The following EPHA5 variants were observed in gnomAD, a reference collection of about 807,000 sequenced individuals.
EPHA5 encodes ephrin type-A receptor 5.
EPHA5 carries 60 observed loss-of-function variants against 105.0 expected under a neutral mutation model. The observed-to-expected ratio is 0.57, with a 90% CI of 0.46 to 0.71. EPHA5 has a LOEUF of 0.71. Among genes scored for constraint, EPHA5 ranks in the 30% least tolerant of loss-of-function variants. The pLI, the probability that EPHA5 is intolerant of heterozygous loss-of-function variation, is 0.00. For missense variants in EPHA5, 1,218 were observed against 1,274.7 expected (o/e 0.96, Z 0.68); for synonymous variants, 513 against 449.1 (o/e 1.14, Z -1.80).
chr4:65,388,905 A>G (rs1056787697), intron 8 of EPHA5, among the ~76,000 whole-genome samples: 1 of 151,910 alleles, frequency 6.6e-6, no homozygotes. Context: ...TATGTCCTGA[A>G]TGGTAATGCC....
chr4:65,572,937 A>T (rs1740355580), intron 3 of EPHA5, among the ~76,000 whole-genome samples: 1 of 152,068 alleles, frequency 6.6e-6, no homozygotes, highest in African/African-American at 2.4e-5. Flanking sequence ...AGACTTAGGC[A>T]AGAGAATCAC....
chr4:65,598,807 A>G (rs1205467204), intron 3 of EPHA5, among the ~76,000 whole-genome samples: 1 of 152,102 alleles, frequency 6.6e-6, no homozygotes, highest in Non-Finnish European at 1.5e-5. Context: ...GCAAATTGAG[A>G]AACTGAAAAA....
intron 8 of EPHA5, among the ~76,000 whole-genome samples, chr4:65,386,596 A>G (rs1275387121): frequency 2.0e-5 from 3 of 152,018 alleles, no homozygotes; most frequent in South Asian, 2.1e-4. Flanking sequence ...ACACAGAGAG[A>G]GCAAAACATT....
At chr4:65,398,255 C>A in intron 8 of EPHA5, among the ~76,000 whole-genome samples, 1 of 152,160 alleles carries the variant, frequency 6.6e-6, no homozygotes, top group Non-Finnish European at 1.5e-5. Context: ...GCTGTTGTGA[C>A]CCAGGCAGAT....
At chr4:65,525,700 T>TC (rs1372749937) in intron 3 of EPHA5, among the ~76,000 whole-genome samples, 12 of 151,928 alleles carry the variant, frequency 7.9e-5, no homozygotes, top group Admixed American at 4.6e-4. Context: ...CAAAGACTCA[T>TC]CATTTTCTCA....
intron 8 of EPHA5, among the ~76,000 whole-genome samples, chr4:65,402,603 A>T (rs948082098): frequency 5.3e-5 from 8 of 151,952 alleles, no homozygotes; most frequent in African/African-American, 1.9e-4. Context: ...ATTTTTATTC[A>T]TTTCTCCTAA....
chr4:65,468,963 G>T (rs757120506), intron 5 of EPHA5, among the ~76,000 whole-genome samples: 5 of 151,942 alleles, frequency 3.3e-5, no homozygotes, highest in Non-Finnish European at 7.4e-5. Flanking sequence ...AAGTCTGTGG[G>T]GAAGGAGCCA....
At position 65,427,052 on chromosome 4, in the gene EPHA5, A is replaced by C. The variant is rs569334998; in HGVS notation, c.1403-6487T>G. 2.2e-3 allele frequency among the ~76,000 whole-genome samples: 337 copies of C among 151,322 alleles called. 1 individual carries two copies. The highest frequency in any genetic ancestry group is 4.3e-3 in the Non-Finnish European group (293 of 67,966). ...GTGACTACCACCCCTAACTATTTGT[A>C]TAAAATAAGAGTTACTGGAAAAAAA... On this transcript the variant is annotated intron_variant, in intron 5 of 16. Transcript: ENST00000613740.
At chr4:65,554,084 C>A (rs903872460) in intron 3 of EPHA5, among the ~76,000 whole-genome samples, 6 of 151,164 alleles carry the variant, frequency 4.0e-5, no homozygotes, top group Admixed American at 1.3e-4. Flanking sequence ...GTGTTCATTT[C>A]AAAATGTACT....
intron 5 of EPHA5, among the ~76,000 whole-genome samples, chr4:65,467,133 C>T (rs1728797262): frequency 6.6e-6 from 1 of 152,152 alleles, no homozygotes; most frequent in Non-Finnish European, 1.5e-5. Context: ...ACCTCCATAA[C>T]AAACCAAAGT....
intron 1 of EPHA5, among the ~76,000 whole-genome samples, chr4:65,667,039 G>A (rs1199035050): frequency 1.3e-5 from 2 of 152,070 alleles, no homozygotes; most frequent in Admixed American, 6.5e-5. Context: ...GATTGCAGAA[G>A]TCAAATTATA....
chr4:65,568,885 C>A (rs1427095381), intron 3 of EPHA5, among the ~76,000 whole-genome samples: 1 of 150,872 alleles, frequency 6.6e-6, no homozygotes, highest in African/African-American at 2.4e-5. Flanking sequence ...TTTATTGTTT[C>A]AATAAATAAG....
chr4:65,444,070 C>T (rs1166263510), intron 5 of EPHA5, among the ~76,000 whole-genome samples: 1 of 152,112 alleles, frequency 6.6e-6, no homozygotes, highest in African/African-American at 2.4e-5. Context: ...TATAGTGGAC[C>T]TGTGTACTTA....
intron 7 of EPHA5, among the ~76,000 whole-genome samples, chr4:65,409,290 T>C (rs997474763): frequency 3.9e-5 from 5 of 129,418 alleles, no homozygotes; most frequent in Non-Finnish European, 8.1e-5. Flanking sequence ...TGTATACATA[T>C]GTAACAAACC....
chr4:65,492,287 C>G (rs376163824), intron 4 of EPHA5, among the ~76,000 whole-genome samples: 1 of 151,864 alleles, frequency 6.6e-6, no homozygotes, highest in African/African-American at 2.4e-5. Context: ...TTGCCACCTC[C>G]GCCTCCCAGG....
chr4:65,577,854 C>T (rs1020676341), intron 3 of EPHA5, among the ~76,000 whole-genome samples: 23 of 152,048 alleles, frequency 1.5e-4, no homozygotes, highest in Admixed American at 1.3e-4. Flanking sequence ...TTTACAAATC[C>T]TGTCACATTT....
chr4:65,492,079 T>A (rs1318450828), intron 4 of EPHA5, among the ~76,000 whole-genome samples: 1 of 152,208 alleles, frequency 6.6e-6, no homozygotes, highest in Non-Finnish European at 1.5e-5. Flanking sequence ...ATATGCATTG[T>A]CTGTTCTAAA....
At chr4:65,655,227 ATG>A (rs1364533281) in intron 1 of EPHA5, among the ~76,000 whole-genome samples, 2 of 152,170 alleles carry the variant, frequency 1.3e-5, no homozygotes, top group African/African-American at 4.8e-5. Flanking sequence ...TGATATATAC[ATG>A]TGAGTAAATA....
intron 3 of EPHA5, among the ~76,000 whole-genome samples, chr4:65,557,183 G>A (rs1738533869): frequency 7.0e-6 from 1 of 142,114 alleles, no homozygotes; most frequent in Admixed American, 7.3e-5. Flanking sequence ...GGCATGGTGA[G>A]AGCAGCTGTG....
Sources: gnomAD v4.1 joint callset for allele counts (sites outside exome capture counted in the v4.1 genomes callset) on GRCh38, gnomAD v4.1.1 for gene constraint, MANE v1.5 for transcripts, NCBI Gene and HGNC (gene_info 2026-07-23, HGNC 2026-07-21) for gene names.